FREM3: variants seen among roughly 807,000 people sequenced by gnomAD.
FREM3 encodes FRAS1-related extracellular matrix protein 3.
In FREM3, 105 loss-of-function variants were observed where a neutral mutation model predicts 129.1. The ratio of observed to expected loss-of-function variants is 0.81; its 90% CI spans 0.69 to 0.96. FREM3 has a LOEUF of 0.96. Among genes scored for constraint, FREM3 ranks in the 40% least tolerant of loss-of-function variants. The probability of loss-of-function intolerance (pLI) is 0.00; values close to 1 mark genes in which losing one functional copy is unlikely to be tolerated. For synonymous variants in FREM3, 1,014 were observed against 1,044.9 expected (o/e 0.97, Z 0.57); for missense variants, 2,593 against 2,666.3 (o/e 0.97, Z 0.61).
rs2149842210 is a variant in FREM3 at position 143,624,286 on chromosome 4, C to T, written c.5475G>A (p.Lys1825=). 6.5e-7 allele frequency: 1 copy of T among 1,537,016 alleles called. No individual in the cohort carries two copies. The highest frequency in any genetic ancestry group is 8.7e-7 in the Non-Finnish European group (1 of 1,146,784). ...TAKKDKDFKW[K]TNKQIQFNPG... ...GATTGAACTGGATCTGTTTATTGGT[C>T]TTCCATTTGAAATCTTTGTCTTTTT... The change falls in exon 4 of 8, where the codon AAG becomes AAA. Residue 1825 remains lysine (K), a synonymous_variant. Coordinates refer to ENST00000329798, the MANE Select transcript of FREM3 (RefSeq NM_001168235.2).
At chr4:143,618,149 G>A (rs1028112132) in intron 5 of FREM3, among the ~76,000 whole-genome samples, 10 of 152,058 alleles carry the variant, frequency 6.6e-5, no homozygotes, top group Admixed American at 3.3e-4. Context: ...AATGAATAGC[G>A]AGGCTCAGTG....
chr4:143,654,102 A>C (rs1249234842), intron 2 of FREM3, among the ~76,000 whole-genome samples: 1 of 152,142 alleles, frequency 6.6e-6, no homozygotes, highest in African/African-American at 2.4e-5. Flanking sequence ...TTTTTAATTA[A>C]AAAAATTTTT....
chr4:143,590,868 T>G (rs1738347652), intron 6 of FREM3, among the ~76,000 whole-genome samples: 1 of 152,136 alleles, frequency 6.6e-6, no homozygotes, highest in Admixed American at 6.5e-5. Context: ...CATCTGGTCC[T>G]GGTCTTTTTT....
intron 2 of FREM3, among the ~76,000 whole-genome samples, chr4:143,681,037 C>A (rs1051014201): frequency 6.6e-6 from 1 of 151,954 alleles, no homozygotes; most frequent in East Asian, 1.9e-4. Flanking sequence ...ACTTTAAACA[C>A]CAAATCATTT....
chr4:143,696,967 G>T lies in FREM3; in HGVS notation c.3709C>A (p.Arg1237=). 6.5e-7 allele frequency: 1 copy of T among 1,537,776 alleles called. No individual in the cohort carries two copies. The highest frequency in any genetic ancestry group is 1.2e-5 in the South Asian group (1 of 84,060). The change falls in exon 1 of 8, where the codon CGG becomes AGG. Residue 1237 remains arginine, a synonymous_variant. Coordinates refer to ENST00000329798, the MANE Select transcript of FREM3 (RefSeq NM_001168235.2). The part of the protein sequence containing the change: ...ELHFQLTALP[R]HGRIIQQLAT... ...AGCTGCTGTATGATTCGTCCATGCC[G>T]AGGGAGGGCTGTGAGTTGAAAGTGG...
intron 5 of FREM3, among the ~76,000 whole-genome samples, chr4:143,620,143 C>T (rs995030387): frequency 6.6e-6 from 1 of 152,214 alleles, no homozygotes; most frequent in African/African-American, 2.4e-5. Flanking sequence ...TCTGCTCCCA[C>T]TTCTAATTTA....
intron 2 of FREM3, among the ~76,000 whole-genome samples, chr4:143,628,920 T>C (rs894240159): frequency 6.6e-6 from 1 of 152,070 alleles, no homozygotes. Context: ...TCGAGTAGCT[T>C]TGAAGAGCAG....
chr4:143,664,178 C>A (rs535535891), intron 2 of FREM3, among the ~76,000 whole-genome samples: 5 of 152,078 alleles, frequency 3.3e-5, no homozygotes, highest in African/African-American at 1.2e-4. Flanking sequence ...TTAGAGTTTC[C>A]AGTTTTTCTG....
chr4:143,623,495 C>A (rs1738989817), intron 4 of FREM3, among the ~76,000 whole-genome samples: 4 of 20,898 alleles, frequency 1.9e-4, no homozygotes, highest in Admixed American at 5.1e-4. Flanking sequence ...AATACTAATC[C>A]CCCCCCCCCC....
At chr4:143,671,368 A>G (rs1175804930) in intron 2 of FREM3, among the ~76,000 whole-genome samples, 1 of 152,216 alleles carries the variant, frequency 6.6e-6, no homozygotes, top group Non-Finnish European at 1.5e-5. Context: ...TCTTACAAAA[A>G]AGATGAATAT....
At chr4:143,580,500 A>C (rs1738111847) in intron 7 of FREM3, among the ~76,000 whole-genome samples, 1 of 152,188 alleles carries the variant, frequency 6.6e-6, no homozygotes, top group African/African-American at 2.4e-5. Flanking sequence ...TCAGGCATGC[A>C]TGGAGTCCCA....
chr4:143,590,764 G>T (rs1336540778), intron 6 of FREM3, among the ~76,000 whole-genome samples: 1 of 152,170 alleles, frequency 6.6e-6, no homozygotes, highest in Non-Finnish European at 1.5e-5. Flanking sequence ...AAATGAGTTA[G>T]GGAGGATTCC....
intron 2 of FREM3, among the ~76,000 whole-genome samples, chr4:143,662,767 C>T (rs1739761633): frequency 6.6e-6 from 1 of 151,840 alleles, no homozygotes; most frequent in Non-Finnish European, 1.5e-5. Flanking sequence ...CTGGGTGCTC[C>T]TGTATTGGGT....
At chr4:143,616,561 C>T (rs779072092) in intron 5 of FREM3, among the ~76,000 whole-genome samples, 4 of 152,072 alleles carry the variant, frequency 2.6e-5, no homozygotes, top group Admixed American at 6.5e-5. Context: ...CCGAGGCGGA[C>T]GGATCACGAG....
At chr4:143,690,977 G>C (rs1740455896) in intron 2 of FREM3, among the ~76,000 whole-genome samples, 1 of 152,044 alleles carries the variant, frequency 6.6e-6, no homozygotes, top group South Asian at 2.1e-4. Flanking sequence ...TTGCACCTGT[G>C]AATAGCCACT....
At chr4:143,620,421 AT>A (rs1156515562) in intron 5 of FREM3, among the ~76,000 whole-genome samples, 2 of 152,060 alleles carry the variant, frequency 1.3e-5, no homozygotes, top group African/African-American at 4.8e-5. Flanking sequence ...TGTTTCCGTA[AT>A]TTTCGTTTTC....
At chr4:143,588,906 T>A (rs12650610) in intron 6 of FREM3, among the ~76,000 whole-genome samples, 39,764 of 150,328 alleles carry the variant, frequency 0.26, 6,748 homozygotes, top group East Asian at 0.77. Context: ...CCAGCACCTG[T>A]CGTTTCCTGA....
chr4:143,658,773 T>G (rs1739645137), intron 2 of FREM3, among the ~76,000 whole-genome samples: 1 of 152,240 alleles, frequency 6.6e-6, no homozygotes, highest in South Asian at 2.1e-4. Flanking sequence ...AAGACAATTC[T>G]TCTTCTAAAG....
intron 3 of FREM3, 55 bp downstream of exon 3, chr4:143,627,559 C>A: frequency 1.5e-6 from 2 of 1,356,804 alleles, no homozygotes; most frequent in Non-Finnish European, 1.0e-6. Flanking sequence ...TATTTTTAGT[C>A]CCAGATTTCA....
Sources: gnomAD v4.1 joint callset for allele counts (sites outside exome capture counted in the v4.1 genomes callset) on GRCh38, gnomAD v4.1.1 for gene constraint, MANE v1.5 for transcripts, NCBI Gene and HGNC (gene_info 2026-07-23, HGNC 2026-07-21) for gene names.